Variants in ARSL observed in about 807,000 individuals in gnomAD.
The protein encoded by ARSL is arylsulfatase E (chondrodysplasia punctata 1).
In ARSL, 4 loss-of-function variants were observed where a neutral mutation model predicts 31.1. The ratio of observed to expected loss-of-function variants is 0.13; its 90% confidence interval spans 0.06 to 0.29. The LOEUF is 0.29. Among genes scored for constraint, ARSL ranks in the 10% least tolerant of loss-of-function variants. ARSL has a pLI of 1.00. For synonymous variants in ARSL, 198 were observed against 209.9 expected, an observed-to-expected ratio of 0.94 and a Z score of 0.49; for missense variants, 312 against 497.8, an observed-to-expected ratio of 0.63 and a Z score of 3.55.
chrX:2,935,271 A>T (rs2089181454), intron 10 of ARSL, 81 bp from the exon 11 acceptor site: 3 of 973,007 alleles, frequency 3.1e-6, no homozygotes, highest in Admixed American at 2.2e-5. Context: ...ATAGGGCTAA[A>T]AGGTAGGCCT....
chrX:2,959,819 G>A, intron 2 of ARSL: 5 of 839,507 alleles, frequency 6.0e-6, no homozygotes, highest in Non-Finnish European at 6.3e-6. Context: ...ACGTTGGGAG[G>A]CCAAGGTGGG....
upstream of ARSL, among the ~76,000 whole-genome samples, chrX:2,966,237 G>A (rs190973753): frequency 1.7e-4 from 19 of 111,441 alleles, no homozygotes; most frequent in African/African-American, 5.9e-4. Flanking sequence ...GGACGGTTTT[G>A]GTGGCATGTC....
intron 7 of ARSL, among the ~76,000 whole-genome samples, chrX:2,944,419 A>C (rs1265787305): frequency 1.9e-5 from 2 of 103,251 alleles, no homozygotes; most frequent in African/African-American, 3.6e-5. Context: ...GTGCCATTGC[A>C]CTCCAGCCTG....
At chrX:2,959,668 G>C (rs761054909) in intron 2 of ARSL, 155 of 1,151,561 alleles carry the variant, frequency 1.3e-4, no homozygotes, top group Middle Eastern at 2.3e-4. Context: ...AATCAAGGGA[G>C]CCTGGAGCAC....
chrX:2,935,857 C>T (rs181006523), intron 10 of ARSL, among the ~76,000 whole-genome samples: 2 of 109,450 alleles, frequency 1.8e-5, no homozygotes, highest in East Asian at 2.9e-4. Flanking sequence ...AAGATGAAGT[C>T]GTGTTAAGGT....
At chrX:2,944,834 G>T (rs933296872) in intron 7 of ARSL, among the ~76,000 whole-genome samples, 1 of 110,801 alleles carries the variant, frequency 9.0e-6, no homozygotes, top group Non-Finnish European at 1.9e-5. Context: ...ATATTCCCCT[G>T]GGGGAAATGG....
chrX:2,961,291 G>A (rs777332857), intron 1 of ARSL, among the ~76,000 whole-genome samples: 2 of 110,947 alleles, frequency 1.8e-5, no homozygotes, highest in East Asian at 5.7e-4. Flanking sequence ...TGAGATGGAA[G>A]ATAACAATTA....
intron 7 of ARSL, among the ~76,000 whole-genome samples, chrX:2,944,215 G>GCCT (rs2089327116): frequency 9.2e-6 from 1 of 108,919 alleles, no homozygotes; most frequent in Non-Finnish European, 1.9e-5. Context: ...CAGCACTTTG[G>GCCT]GAGGCTGAGG....
intron 2 of ARSL, chrX:2,959,997 C>T (rs1025924712): frequency 2.4e-4 from 52 of 217,818 alleles, no homozygotes; most frequent in East Asian, 1.6e-3. Flanking sequence ...AGGCCGGGCG[C>T]GGTGGCTCAC....
At chrX:2,959,224 C>T (rs1329651795) in intron 2 of ARSL, among the ~76,000 whole-genome samples, 1 of 111,594 alleles carries the variant, frequency 9.0e-6, no homozygotes, top group Non-Finnish European at 1.9e-5. Context: ...GCTGCTACTT[C>T]TGAGTCTATG....
intron 5 of ARSL, among the ~76,000 whole-genome samples, chrX:2,951,750 G>T (rs1354733739): frequency 3.8e-5 from 4 of 106,099 alleles, no homozygotes; most frequent in African/African-American, 1.4e-4. Flanking sequence ...GCAGTGAGCT[G>T]TGACTGCACC....
chrX:2,967,853 C>T (rs1359848184), upstream of ARSL, among the ~76,000 whole-genome samples: 4 of 111,287 alleles, frequency 3.6e-5, no homozygotes, highest in African/African-American at 1.3e-4. Flanking sequence ...ATGTTCAGTG[C>T]ACGTGCCTTC....
chrX:2,959,812 T>C, intron 2 of ARSL: 1 of 902,779 alleles, frequency 1.1e-6, no homozygotes, highest in Non-Finnish European at 1.5e-6. Context: ...TCTGAGCACG[T>C]TGGGAGGCCA....
chrX:2,946,580 C>T (rs760771884), intron 6 of ARSL, among the ~76,000 whole-genome samples: 2 of 94,164 alleles, frequency 2.1e-5, no homozygotes, highest in African/African-American at 8.0e-5. Flanking sequence ...TTGAACTCCT[C>T]GGCTCAAGTG....
intron 2 of ARSL, 102 bp downstream of exon 2, chrX:2,960,268 CAAAAAAAA>C (rs776807952): frequency 2.4e-3 from 307 of 127,199 alleles, no homozygotes; most frequent in East Asian, 0.015. Flanking sequence ...GACTCCGTCT[CAAAAAAAA>C]AAAAAAAAAA....
intron 7 of ARSL, among the ~76,000 whole-genome samples, chrX:2,943,667 G>A (rs2089314090): frequency 9.8e-6 from 1 of 101,639 alleles, no homozygotes; most frequent in African/African-American, 3.7e-5. Flanking sequence ...GCTTAAACCC[G>A]GGAAGTGGAG....
rs772926810 is a variant in ARSL, at chrX:2,934,949, T to A, written c.1653A>T (p.Thr551=). 5.0e-6 allele frequency: 6 copies of A among 1,208,379 alleles called. No individual in the cohort carries two copies. The highest frequency in any genetic ancestry group is 6.7e-6 in the Non-Finnish European group (6 of 894,671). Residue 551 remains threonine (T), a synonymous_variant, in exon 11 of 11, where the codon ACA becomes ACT. Transcript: ENST00000381134. ...CCAGCTGCAGAGGAACTGGGCTGAGTGTCCGCTGGTGTTCCCACACCGCCT... is the reference window on the plus strand; with the variant it reads ...CCAGCTGCAGAGGAACTGGGCTGAGAGTCCGCTGGTGTTCCCACACCGCCT... ...VQQAVWEHQR[T]LSPVPLQLDR... is the part of the protein sequence containing the mutation.
intron 8 of ARSL, among the ~76,000 whole-genome samples, chrX:2,940,878 G>T (rs978762963): frequency 5.3e-4 from 59 of 111,978 alleles, no homozygotes; most frequent in Non-Finnish European, 7.9e-4. Context: ...AAAGGTTGCG[G>T]TGAGCCAAGA....
chrX:2,939,065 C>T (rs1428599561), intron 8 of ARSL, among the ~76,000 whole-genome samples: 1 of 111,591 alleles, frequency 9.0e-6, no homozygotes, highest in Non-Finnish European at 1.9e-5. Context: ...ATATCCACAC[C>T]CTGATCCCCA....
Sources: allele counts gnomAD v4.1 joint callset (sites outside exome capture counted in the v4.1 genomes callset), GRCh38; gene constraint gnomAD v4.1.1; transcripts MANE v1.5; gene names NCBI Gene and HGNC (gene_info 2026-07-23, HGNC 2026-07-21).